Variants in GHR observed in about 807,000 individuals in gnomAD.
GHR encodes the protein GH receptor.
Under a neutral mutation model 67.1 loss-of-function variants are expected in GHR, and 35 were observed. The observed-to-expected ratio is 0.52, with a 90% CI of 0.40 to 0.69. The LOEUF (loss-of-function observed/expected upper bound fraction) is 0.69. Among genes scored for constraint, GHR ranks in the 30% least tolerant of loss-of-function variants. The pLI is 0.00. For synonymous variants in GHR, 272 were observed against 269.1 expected (o/e 1.01, Z -0.10); for missense variants, 792 against 764.6 (o/e 1.04, Z -0.42).
chr5:42,548,584 T>C, intron 1 of GHR: 3 of 697,018 alleles, frequency 4.3e-6, no homozygotes, highest in Non-Finnish European at 5.2e-6. Context: ...ATAGTCAGGG[T>C]TTTTTTTTTC....
chr5:42,652,308 G>A (rs1456832974), intron 3 of GHR, among the ~76,000 whole-genome samples: 1 of 151,914 alleles, frequency 6.6e-6, no homozygotes, highest in African/African-American at 2.4e-5. Flanking sequence ...ATGTGGTGAA[G>A]TTGACACTTT....
chr5:42,453,494 A>G (rs1744136101), intron 1 of GHR, among the ~76,000 whole-genome samples: 1 of 152,166 alleles, frequency 6.6e-6, no homozygotes, highest in Non-Finnish European at 1.5e-5. Flanking sequence ...CTGAAATTTT[A>G]TCAAGGTGAA....
At chr5:42,534,150 ATG>A (rs1468653837) in intron 1 of GHR, among the ~76,000 whole-genome samples, 2 of 147,686 alleles carry the variant, frequency 1.4e-5, no homozygotes, top group South Asian at 2.1e-4. Context: ...GTATATATGT[ATG>A]TATATATATG....
chr5:42,656,986 G>C (rs1320025031), intron 3 of GHR, among the ~76,000 whole-genome samples: 1 of 152,024 alleles, frequency 6.6e-6, no homozygotes, highest in African/African-American at 2.4e-5. Context: ...CCTAGTCAGG[G>C]ACCTTTCTTA....
intron 1 of GHR, among the ~76,000 whole-genome samples, chr5:42,459,799 G>A (rs934939987): frequency 6.6e-6 from 1 of 152,190 alleles, no homozygotes; most frequent in Non-Finnish European, 1.5e-5. Context: ...TAGTGATGAT[G>A]TTCTAGCCTT....
At chr5:42,478,368 CTCTT>C in intron 1 of GHR, among the ~76,000 whole-genome samples, 1 of 152,284 alleles carries the variant, frequency 6.6e-6, no homozygotes, top group Admixed American at 6.5e-5. Flanking sequence ...GCGATGCAGG[CTCTT>C]TTTTGGTTCC....
chr5:42,692,649 G>A (rs1757472246), intron 4 of GHR, among the ~76,000 whole-genome samples: 1 of 152,130 alleles, frequency 6.6e-6, no homozygotes, highest in Non-Finnish European at 1.5e-5. Context: ...TTTGTCCTGT[G>A]GAGTTCATGG....
intron 3 of GHR, among the ~76,000 whole-genome samples, chr5:42,666,035 G>T (rs1026160538): frequency 5.9e-5 from 9 of 152,120 alleles, no homozygotes; most frequent in African/African-American, 2.2e-4. Context: ...TGCAATTCAA[G>T]ATGTGATTTG....
In GHR at chr5:42,571,482, G is replaced by T. The variant is rs1750311591; in HGVS notation, c.70+5538G>T. Among the ~76,000 whole-genome samples, 5 of 152,158 alleles carry T rather than the reference G, an allele frequency of 3.3e-5. No individual in the cohort carries two copies. In the South Asian group the frequency reaches 1.0e-3, roughly 32 times the overall value. ...TGCTAGAGTATGTACTTACTCATGGGATACAATAAAATATATGCAGGATGA... is the reference window on the plus strand; with the variant it reads ...TGCTAGAGTATGTACTTACTCATGGTATACAATAAAATATATGCAGGATGA... On this transcript the variant is annotated intron_variant, in intron 2 of 9. Transcript: ENST00000230882.
chr5:42,584,905 C>T (rs1433470170), intron 2 of GHR, among the ~76,000 whole-genome samples: 1 of 152,076 alleles, frequency 6.6e-6, no homozygotes, highest in Non-Finnish European at 1.5e-5. Flanking sequence ...CTCAGACATA[C>T]CCTTCATTCT....
At chr5:42,616,651 G>A (rs530019836) in intron 2 of GHR, among the ~76,000 whole-genome samples, 1 of 148,576 alleles carries the variant, frequency 6.7e-6, no homozygotes, top group South Asian at 2.1e-4. Context: ...AAAGCCATGA[G>A]ACTCGATGAG....
At chr5:42,670,161 C>T (rs1756201858) in intron 3 of GHR, among the ~76,000 whole-genome samples, 1 of 152,162 alleles carries the variant, frequency 6.6e-6, no homozygotes, top group South Asian at 2.1e-4. Context: ...ATGCTACTGG[C>T]ATTAAAACAG....
intron 1 of GHR, chr5:42,565,496 G>C: frequency 1.0e-6 from 1 of 985,098 alleles, no homozygotes; most frequent in Non-Finnish European, 1.2e-6. Flanking sequence ...TTCTGATACT[G>C]CTGATAAGGT....
intron 1 of GHR, among the ~76,000 whole-genome samples, chr5:42,553,132 C>T (rs1185904034): frequency 6.6e-6 from 1 of 152,162 alleles, no homozygotes; most frequent in Admixed American, 6.5e-5. Context: ...TAACATATTA[C>T]CACAAACTTA....
At chr5:42,472,395 A>T (rs1438316716) in intron 1 of GHR, among the ~76,000 whole-genome samples, 1 of 152,232 alleles carries the variant, frequency 6.6e-6, no homozygotes, top group Non-Finnish European at 1.5e-5. Flanking sequence ...AGAAGTATAT[A>T]TATACAAATA....
chr5:42,496,925 G>A (rs994281969), intron 1 of GHR, among the ~76,000 whole-genome samples: 4 of 152,186 alleles, frequency 2.6e-5, no homozygotes, highest in African/African-American at 9.7e-5. Flanking sequence ...ATTTGCAGAA[G>A]AGGAACACTT....
intron 1 of GHR, among the ~76,000 whole-genome samples, chr5:42,428,535 A>T (rs1268485355): frequency 6.6e-6 from 1 of 152,140 alleles, no homozygotes; most frequent in Non-Finnish European, 1.5e-5. Context: ...TCCCCAGAAA[A>T]TGGGTTTTTC....
At chr5:42,495,023 C>T (rs1236620424) in intron 1 of GHR, among the ~76,000 whole-genome samples, 2 of 151,920 alleles carry the variant, frequency 1.3e-5, no homozygotes, top group African/African-American at 4.8e-5. Context: ...TGCTAGCCTC[C>T]ATGTTGTATT....
At position 42,698,624 on chromosome 5, in the gene GHR, C is replaced by G. The variant is rs1356558451; in HGVS notation, c.440-1200C>G. Among the ~76,000 whole-genome samples the G allele has an allele frequency of 2.6e-5, 4 of 152,294 alleles. No individual in the cohort carries two copies. The East Asian group carries it at 7.7e-4, about 29-fold the overall frequency. ...TCCTCCACCATAAGGCCTGTTTTCA[C>G]TGTGGGTGCACACAAGAGCTTCCCT... On this transcript the variant is annotated intron_variant, in intron 5 of 9. Transcript: ENST00000230882.
Sources: gnomAD v4.1 joint callset for allele counts (sites outside exome capture counted in the v4.1 genomes callset) on GRCh38, gnomAD v4.1.1 for gene constraint, MANE v1.5 for transcripts, NCBI Gene and HGNC (gene_info 2026-07-23, HGNC 2026-07-21) for gene names.